The following SPECC1 variants were observed in gnomAD, a reference collection of about 807,000 sequenced individuals.
The protein encoded by SPECC1 is sperm antigen with calponin homology and coiled-coil domains 1, also known as cytospin-B.
Under a neutral mutation model 104.1 loss-of-function variants are expected in SPECC1, and 62 were observed. That is an observed-to-expected ratio of 0.60 (90% CI 0.49 to 0.74). SPECC1 has a LOEUF of 0.74. Ranked by LOEUF, SPECC1 falls within the 30% of genes least tolerant of loss-of-function variation. SPECC1 has a pLI of 0.00. For synonymous variants in SPECC1, 513 were observed against 501.6 expected (o/e 1.02, Z -0.30); for missense variants, 1,306 against 1,310.5 (o/e 1.00, Z 0.05).
chr17:20,156,552 A>C (rs537112674), intron 3 of SPECC1, among the ~76,000 whole-genome samples: 146 of 152,208 alleles, frequency 9.6e-4, no homozygotes, highest in Non-Finnish European at 1.6e-3. Flanking sequence ...CTGAGCGCGC[A>C]GGCCGCCCTC....
At chr17:20,267,492 A>G (rs529828129) in intron 12 of SPECC1, among the ~76,000 whole-genome samples, 3 of 152,280 alleles carry the variant, frequency 2.0e-5, no homozygotes, top group East Asian at 1.9e-4. Context: ...CCTCCTCTTT[A>G]TATGACACAG....
At position 20,317,156 on chromosome 17, in the gene SPECC1, T is replaced by G. The variant is rs1598191751; in HGVS notation, c.*3091T>G. 1 of 177,266 alleles carries G rather than the reference T, an allele frequency of 5.6e-6. No individual in the cohort carries two copies. Among genetic ancestry groups the G allele is most frequent in the East Asian group, 9.6e-5 (1 of 10,414 alleles). 11.0% of individuals were successfully genotyped at this position (177,266 alleles called of 1,614,324 possible). A position where few individuals can be genotyped will look rare whatever the true frequency, so the allele number is the denominator to read the frequency against. On this transcript the variant is annotated 3_prime_UTR_variant, in exon 15 of 15. Coordinates refer to ENST00000395527, the MANE Select transcript of SPECC1 (RefSeq NM_001243439.2). Reference sequence around the variant, plus strand: ...GTGGTCAGGCATGGTGGCTCATGCCTATAATCCCAGCACTTTGGGAGGCTG... The same window carrying G: ...GTGGTCAGGCATGGTGGCTCATGCCGATAATCCCAGCACTTTGGGAGGCTG...
At chr17:20,207,251 A>C (rs985885056) in intron 4 of SPECC1, among the ~76,000 whole-genome samples, 1 of 152,196 alleles carries the variant, frequency 6.6e-6, no homozygotes, top group African/African-American at 2.4e-5. Flanking sequence ...AGTCTGTTGC[A>C]GCCTGATTCT....
chr17:20,204,925 G>C lies in SPECC1; in HGVS notation c.876G>C (p.Gln292His). 6 of 1,614,076 alleles carry C rather than the reference G, an allele frequency of 3.7e-6. No homozygotes were observed. Among genetic ancestry groups the C allele is most frequent in the Non-Finnish European group, 5.1e-6 (6 of 1,180,030 alleles). ...ESSFGSPTGN[Q>H]MSSDIDEYKK... is the part of the protein sequence containing the mutation. ...GCTTCGGAAGCCCAACTGGAAATCA[G>C]ATGTCCAGTGACATTGATGAGTATA... Residue 292 changes from glutamine to histidine, a missense_variant, in exon 4 of 15, where the codon CAG (glutamine) becomes CAC (histidine). Coordinates refer to ENST00000395527, the MANE Select transcript of SPECC1 (RefSeq NM_001243439.2).
At chr17:20,222,888 G>T (rs1285276940) in intron 4 of SPECC1, among the ~76,000 whole-genome samples, 1 of 151,956 alleles carries the variant, frequency 6.6e-6, no homozygotes, top group Non-Finnish European at 1.5e-5. Flanking sequence ...TTTAAATATG[G>T]CATGCCTCTC....
At chr17:20,173,357 G>A (rs2034227683) in intron 3 of SPECC1, among the ~76,000 whole-genome samples, 1 of 152,134 alleles carries the variant, frequency 6.6e-6, no homozygotes, top group African/African-American at 2.4e-5. Flanking sequence ...ACATTAAGAT[G>A]GTTTTATTAT....
intron 1 of SPECC1, among the ~76,000 whole-genome samples, chr17:20,030,486 A>G (rs1468011994): frequency 6.6e-6 from 1 of 152,120 alleles, no homozygotes; most frequent in Non-Finnish European, 1.5e-5. Context: ...TCTTTAGCCT[A>G]GTAACAGCTT....
At chr17:20,259,518 T>A (rs2039950480) in intron 11 of SPECC1, among the ~76,000 whole-genome samples, 1 of 152,068 alleles carries the variant, frequency 6.6e-6, no homozygotes, top group African/African-American at 2.4e-5. Context: ...TTTATTTTAT[T>A]TTTTGGAGAT....
intron 3 of SPECC1, among the ~76,000 whole-genome samples, chr17:20,179,383 C>A (rs902633489): frequency 6.6e-6 from 1 of 152,252 alleles, no homozygotes; most frequent in Non-Finnish European, 1.5e-5. Context: ...ATAGTCCTTG[C>A]TTTGCAGCAT....
chr17:20,051,426 C>T (rs111679320), intron 1 of SPECC1, among the ~76,000 whole-genome samples: 3,814 of 152,092 alleles, frequency 0.025, 162 homozygotes, highest in African/African-American at 0.086. Context: ...CTGCCTGCCT[C>T]GGCCTCCCAG....
intron 11 of SPECC1, among the ~76,000 whole-genome samples, chr17:20,259,362 A>G (rs2039945753): frequency 6.6e-6 from 1 of 152,232 alleles, no homozygotes; most frequent in Non-Finnish European, 1.5e-5. Context: ...ATGTATATGA[A>G]TATGCTATTG....
chr17:20,134,680 G>C (rs2049833923), intron 3 of SPECC1, among the ~76,000 whole-genome samples: 1 of 152,010 alleles, frequency 6.6e-6, no homozygotes, highest in African/African-American at 2.4e-5. Context: ...CCAACTCCTG[G>C]GTTCAAGCCA....
At chr17:20,208,403 G>C (rs1214847009) in intron 4 of SPECC1, among the ~76,000 whole-genome samples, 1 of 152,188 alleles carries the variant, frequency 6.6e-6, no homozygotes, top group Non-Finnish European at 1.5e-5. Flanking sequence ...TTACATTACT[G>C]TAGAAAAAGC....
At chr17:20,245,081 ATTC>A (rs2039363827) in intron 7 of SPECC1, among the ~76,000 whole-genome samples, 2 of 152,328 alleles carry the variant, frequency 1.3e-5, no homozygotes, top group South Asian at 4.1e-4. Context: ...TGCTGTTACC[ATTC>A]TTATGCTTAG....
At chr17:20,230,885 G>A (rs2038531147) in intron 5 of SPECC1, among the ~76,000 whole-genome samples, 1 of 152,162 alleles carries the variant, frequency 6.6e-6, no homozygotes, top group African/African-American at 2.4e-5. Flanking sequence ...ATTGATTCCA[G>A]ACACAAACTC....
At chr17:20,202,238 G>C (rs1017068217) in intron 3 of SPECC1, among the ~76,000 whole-genome samples, 1 of 152,020 alleles carries the variant, frequency 6.6e-6, no homozygotes, top group Admixed American at 6.5e-5. Context: ...CAAGCATTGG[G>C]GGTAGCTGCT....
At chr17:20,145,884 A>G (rs994294250) in intron 3 of SPECC1, among the ~76,000 whole-genome samples, 11 of 152,160 alleles carry the variant, frequency 7.2e-5, no homozygotes, top group African/African-American at 2.7e-4. Context: ...TATTATTTGG[A>G]TCAGGAATGT....
intron 1 of SPECC1, among the ~76,000 whole-genome samples, chr17:20,041,780 T>G (rs1463361956): frequency 3.3e-5 from 5 of 151,636 alleles, no homozygotes; most frequent in Non-Finnish European, 5.9e-5. Flanking sequence ...CCCACCACCA[T>G]GCCTTGCTAT....
At chr17:20,293,971 G>A (rs2041255464) in intron 12 of SPECC1, among the ~76,000 whole-genome samples, 1 of 152,048 alleles carries the variant, frequency 6.6e-6, no homozygotes, top group Admixed American at 6.6e-5. Context: ...GATGGGCAGG[G>A]ACTTAGAATT....
Sources: gnomAD v4.1 joint callset for allele counts (sites outside exome capture counted in the v4.1 genomes callset) on GRCh38, gnomAD v4.1.1 for gene constraint, MANE v1.5 for transcripts, NCBI Gene and HGNC (gene_info 2026-07-23, HGNC 2026-07-21) for gene names.